ITGAL: variants seen among roughly 807,000 people sequenced by gnomAD.
ITGAL encodes integrin subunit alpha L.
Under a neutral mutation model 138.4 loss-of-function variants are expected in ITGAL, and 68 were observed. The observed-to-expected ratio is 0.49, with a 90% CI of 0.40 to 0.60. The LOEUF (loss-of-function observed/expected upper bound fraction) is 0.60. Among genes scored for constraint, ITGAL ranks in the 20% least tolerant of loss-of-function variants. The pLI is 0.00. For missense variants in ITGAL, 1,256 were observed against 1,478.6 expected (o/e 0.85, Z 2.47); for synonymous variants, 561 against 584.3 (o/e 0.96, Z 0.57).
rs556837581 is a variant in ITGAL at position 30,522,480 on chromosome 16, GTTTT to G, written c.*818_*821del. The G allele has an allele frequency of 6.6e-6, 1 of 152,278 alleles. No individual in the cohort carries two copies. 9.4% of individuals were successfully genotyped at this position (152,278 alleles called of 1,614,324 possible). On this transcript the variant is annotated 3_prime_UTR_variant, in exon 31 of 31. Coordinates refer to ENST00000356798, the MANE Select transcript of ITGAL (RefSeq NM_002209.3). This position sits in a 1 kb window ranked among gnomAD's most constrained non-coding sequence, Gnocchi z 4.0. ...TGTTTCTTCATCCGGCAGCCTGGAT[GTTTT>G]TTCCCTGTTTAATGATTGACGTACT...
rs1011404768 is a variant in ITGAL at position 30,475,337 on chromosome 16, A to T, written c.196A>T (p.Ser66Cys). The T allele has an allele frequency of 1.9e-6, 3 of 1,613,752 alleles. No homozygotes were observed. The African/African-American group carries it at 4.0e-5, about 22-fold the overall frequency. ...VIVGAPGEGN[S>C]TGSLYQCQSG... ...CGTGGGAGCTCCAGGGGAGGGGAAC[A>T]GCACAGGAAGCCTCTATCAGTGCCA... Residue 66 changes from serine (S) to cysteine (C), a missense_variant, in exon 3 of 31, where the codon AGC (serine) becomes TGC (cysteine). Ser to Cys is a moderately radical substitution (Grantham distance 112). Transcript: ENST00000356798.
At chr16:30,521,004 A>G (rs1197142185) in intron 30 of ITGAL, among the ~76,000 whole-genome samples, 2 of 152,014 alleles carry the variant, frequency 1.3e-5, no homozygotes, top group African/African-American at 4.8e-5. Flanking sequence ...GAATTTCTTG[A>G]ACCTGGGAGG....
intron 20 of ITGAL, among the ~76,000 whole-genome samples, chr16:30,506,483 C>T (rs1567484026): frequency 7.8e-6 from 1 of 128,614 alleles, no homozygotes; most frequent in Non-Finnish European, 1.6e-5. Flanking sequence ...GGCGTGAACC[C>T]GGGAGGCGGA....
chr16:30,476,462 G>GA (rs1224014851), intron 4 of ITGAL, among the ~76,000 whole-genome samples: 1 of 151,788 alleles, frequency 6.6e-6, no homozygotes, highest in Non-Finnish European at 1.5e-5. Context: ...TGGCTTATTA[G>GA]AAAAAAATAT....
chr16:30,499,562 G>A, intron 17 of ITGAL, 73 bp downstream of exon 17: 1 of 1,458,910 alleles, frequency 6.9e-7, no homozygotes, highest in Non-Finnish European at 9.5e-7. Flanking sequence ...ACTGTCCAGT[G>A]GGTGACACGT....
intron 1 of ITGAL, 109 bp downstream of exon 1, chr16:30,473,007 G>T: frequency 9.9e-7 from 1 of 1,006,324 alleles, no homozygotes; most frequent in South Asian, 1.4e-5. Context: ...AGTGGGATTG[G>T]CCTTAGGGAT....
intron 6 of ITGAL, chr16:30,481,143 A>ACAC (rs2050549087): frequency 6.9e-5 from 15 of 216,074 alleles, no homozygotes; most frequent in African/African-American, 1.1e-4. Flanking sequence ...CTCTACTAAA[A>ACAC]ACACACACAC....
In ITGAL at chr16:30,499,496, G is replaced by C. The variant is rs760304472; in HGVS notation, c.2145+7G>C. Reference sequence around the variant, plus strand: ...CTTCTCATTTCATTTCCCGGTAAGGGAGCCAGCGCCAATGCTCTGGGATGA... The same window carrying C: ...CTTCTCATTTCATTTCCCGGTAAGGCAGCCAGCGCCAATGCTCTGGGATGA... On this transcript the variant is annotated splice_region_variant and intron_variant, in intron 17 of 30. Coordinates refer to ENST00000356798, the MANE Select transcript of ITGAL (RefSeq NM_002209.3). The C allele has an allele frequency of 2.0e-5, 33 of 1,612,994 alleles. No individual in the cohort carries two copies. The highest frequency in any genetic ancestry group is 2.4e-5 in the Non-Finnish European group (28 of 1,179,892).
intron 4 of ITGAL, 52 bp downstream of exon 4, chr16:30,475,632 T>C: frequency 7.4e-7 from 1 of 1,352,068 alleles, no homozygotes; most frequent in South Asian, 1.2e-5. Context: ...TCAATTCAAG[T>C]AATGAGAGAA....
chr16:30,512,350 G>A (rs2051102378), intron 24 of ITGAL, among the ~76,000 whole-genome samples: 1 of 152,064 alleles, frequency 6.6e-6, no homozygotes, highest in East Asian at 1.9e-4. Flanking sequence ...AATTTGGGAG[G>A]CCAAGGTGGG....
intron 15 of ITGAL, 29 bp downstream of exon 15, chr16:30,496,595 A>G (rs780773514): frequency 1.3e-5 from 20 of 1,590,362 alleles, no homozygotes; most frequent in Non-Finnish European, 1.7e-5. Flanking sequence ...GTCACACCTG[A>G]TGACCCCAGC....
intron 4 of ITGAL, chr16:30,477,433 G>C (rs1266523779): frequency 1.3e-5 from 2 of 152,146 alleles, no homozygotes; most frequent in Non-Finnish European, 2.9e-5. Flanking sequence ...CACACGTGTA[G>C]TCCCAGCTAC....
rs562904545 is a variant in ITGAL at position 30,496,177 on chromosome 16, G to A, written c.1584G>A (p.Leu528=). 398 of 1,614,114 alleles carry A rather than the reference G, an allele frequency of 2.5e-4. 8 individuals carry two copies. The South Asian group carries it at 4.1e-3, about 16-fold the overall frequency. ...GGTTTGGAGAAGCCATCACTGCTCT[G>A]ACAGACATCAACGGCGATGGGCTGG... The part of the protein sequence containing the change: ...LGRFGEAITA[L]TDINGDGLVD... Residue 528 remains leucine (L), a synonymous_variant, in exon 14 of 31, where the codon CTG becomes CTA. Transcript: ENST00000356798.
chr16:30,499,734 T>TACGTATATATATATATATATATATATATA (rs71149033), intron 17 of ITGAL, among the ~76,000 whole-genome samples: 2 of 76,624 alleles, frequency 2.6e-5, no homozygotes, highest in East Asian at 4.3e-4. Flanking sequence ...TATATATATA[T>TACGTATATATATATATATATATATATATA]TTTTTTTTTT....
At chr16:30,496,999 C>T (rs972590401) in intron 15 of ITGAL, among the ~76,000 whole-genome samples, 1 of 151,962 alleles carries the variant, frequency 6.6e-6, no homozygotes, top group Non-Finnish European at 1.5e-5. Flanking sequence ...GTGGCTCACA[C>T]CTGTAATCCC....
In ITGAL at chr16:30,501,578, A is replaced by C. The variant is rs1597091654; in HGVS notation, c.2145+2089A>C. On this transcript the variant is annotated intron_variant, in intron 17 of 30. Coordinates refer to ENST00000356798, the MANE Select transcript of ITGAL (RefSeq NM_002209.3). ...AGCAACAAGAGTGAAACTCCATCTC[A>C]AAAAAAAAAAAAAAAATTAAAATAT... 1.1e-4 allele frequency among the ~76,000 whole-genome samples: 3 copies of C among 26,142 alleles called. 1 individual carries two copies. Among genetic ancestry groups the C allele is most frequent in the South Asian group, 3.7e-3 (1 of 270 alleles). 17.2% of individuals were successfully genotyped at this position (26,142 alleles called of 152,430 possible).
intron 11 of ITGAL, among the ~76,000 whole-genome samples, chr16:30,491,967 C>T (rs1192482938): frequency 2.0e-5 from 3 of 152,172 alleles, no homozygotes; most frequent in East Asian, 1.9e-4. Flanking sequence ...AATAGGGAAG[C>T]GGTTCCGTCT....
chr16:30,521,112 AAT>A (rs1251588103), intron 30 of ITGAL, among the ~76,000 whole-genome samples: 1 of 150,788 alleles, frequency 6.6e-6, no homozygotes, highest in Non-Finnish European at 1.5e-5. Context: ...AATAAAATAA[AAT>A]AAAGTGTTCT....
chr16:30,478,697 C>CA (rs59193580), intron 4 of ITGAL, among the ~76,000 whole-genome samples: 74,880 of 106,442 alleles, frequency 0.7, 26,338 homozygotes, highest in East Asian at 0.96. Flanking sequence ...GACTCCATCT[C>CA]AAAAAAAAAA....
Sources: allele counts gnomAD v4.1 joint callset (sites outside exome capture counted in the v4.1 genomes callset), GRCh38; gene constraint gnomAD v4.1.1; non-coding constraint Gnocchi (gnomAD v3.1); transcripts MANE v1.5; gene names NCBI Gene and HGNC (gene_info 2026-07-23, HGNC 2026-07-21).